FAM110B: variants seen among roughly 807,000 people sequenced by gnomAD.
The protein encoded by FAM110B is family with sequence similarity 110 member B, also known as protein FAM110B.
In FAM110B, 6 loss-of-function variants were observed where a neutral mutation model predicts 20.4. The ratio of observed to expected loss-of-function variants is 0.29; its 90% CI spans 0.16 to 0.58. FAM110B has a LOEUF of 0.58. Among genes scored for constraint, FAM110B ranks in the 20% least tolerant of loss-of-function variants. FAM110B has a pLI of 0.90. For missense variants in FAM110B, 434 were observed against 498.2 expected (o/e 0.87, Z 1.23); for synonymous variants, 226 against 214.1 (o/e 1.06, Z -0.49).
chr8:58,054,783 A>G (rs186672597), intron 2 of FAM110B, among the ~76,000 whole-genome samples: 216 of 152,166 alleles, frequency 1.4e-3, no homozygotes, highest in African/African-American at 4.5e-3. Flanking sequence ...AAAGACCTCT[A>G]CCTGTAGATC....
chr8:58,098,137 AC>A (rs1463178765), intron 3 of FAM110B, among the ~76,000 whole-genome samples: 3 of 152,216 alleles, frequency 2.0e-5, no homozygotes, highest in Non-Finnish European at 2.9e-5. Context: ...CTGAAGCTGC[AC>A]CCACAGCCAC....
intron 3 of FAM110B, among the ~76,000 whole-genome samples, chr8:58,120,833 C>T (rs7820808): frequency 0.28 from 43,098 of 151,992 alleles, 7,520 homozygotes; most frequent in African/African-American, 0.5. Context: ...GTGATAGTTA[C>T]TGAAAAGCCT....
At chr8:58,052,804 G>A (rs1585844819) in intron 2 of FAM110B, among the ~76,000 whole-genome samples, 1 of 58,846 alleles carries the variant, frequency 1.7e-5, no homozygotes, top group South Asian at 6.3e-4. Flanking sequence ...TTTTTTTTTT[G>A]AGACGGAGTC....
intron 1 of FAM110B, among the ~76,000 whole-genome samples, chr8:57,999,797 G>A (rs1162765578): frequency 6.6e-6 from 1 of 152,060 alleles, no homozygotes; most frequent in Admixed American, 6.5e-5. Context: ...GTCGAGAATG[G>A]GGGCCACTTT....
chr8:58,134,889 C>A (rs189789120), intron 3 of FAM110B, among the ~76,000 whole-genome samples: 173 of 152,198 alleles, frequency 1.1e-3, no homozygotes, highest in Non-Finnish European at 1.9e-3. Flanking sequence ...AAAATCAAGG[C>A]TTTTTTTCGT....
chr8:58,062,661 T>C (rs1013348643), intron 2 of FAM110B, among the ~76,000 whole-genome samples: 10 of 152,198 alleles, frequency 6.6e-5, no homozygotes, highest in Non-Finnish European at 1.0e-4. Context: ...TATTTTAAAC[T>C]CGATTCCCAC....
At chr8:58,018,649 T>G (rs1804683606) in intron 1 of FAM110B, among the ~76,000 whole-genome samples, 1 of 152,206 alleles carries the variant, frequency 6.6e-6, no homozygotes, top group Non-Finnish European at 1.5e-5. Context: ...GATTTTTAAG[T>G]CTATTACCCT....
intron 3 of FAM110B, among the ~76,000 whole-genome samples, chr8:58,077,513 G>A (rs953440696): frequency 1.3e-5 from 2 of 152,298 alleles, no homozygotes; most frequent in African/African-American, 2.4e-5. Flanking sequence ...AGTAGACCTG[G>A]CCTTCACCTC....
intron 2 of FAM110B, among the ~76,000 whole-genome samples, chr8:58,071,747 T>C (rs918053984): frequency 7.2e-6 from 1 of 138,520 alleles, no homozygotes; most frequent in African/African-American, 2.7e-5. Context: ...TAATAGAGTA[T>C]CGTCTATAAT....
chr8:58,002,630 T>C (rs761549009), intron 1 of FAM110B, among the ~76,000 whole-genome samples: 5 of 152,168 alleles, frequency 3.3e-5, no homozygotes, highest in Non-Finnish European at 2.9e-5. Context: ...ATAAAGTGAG[T>C]ATTACAATAA....
At chr8:58,056,008 G>A (rs113103690) in intron 2 of FAM110B, among the ~76,000 whole-genome samples, 1 of 152,108 alleles carries the variant, frequency 6.6e-6, no homozygotes, top group Non-Finnish European at 1.5e-5. Flanking sequence ...CTAGATCAGG[G>A]GTTGGCAAAC....
chr8:58,080,435 A>T (rs1806161453), intron 3 of FAM110B, among the ~76,000 whole-genome samples: 1 of 152,228 alleles, frequency 6.6e-6, no homozygotes, highest in Non-Finnish European at 1.5e-5. Context: ...GAAAGAGAGG[A>T]GATTTAAACA....
intron 3 of FAM110B, among the ~76,000 whole-genome samples, chr8:58,123,476 G>A (rs1248911929): frequency 1.3e-5 from 2 of 151,972 alleles, no homozygotes; most frequent in African/African-American, 2.4e-5. Context: ...ACAGGGAGTT[G>A]GGAATAAAAA....
At chr8:58,139,948 T>A (rs1008957305) in intron 3 of FAM110B, among the ~76,000 whole-genome samples, 1 of 151,900 alleles carries the variant, frequency 6.6e-6, no homozygotes, top group Non-Finnish European at 1.5e-5. Context: ...ATAATAATAA[T>A]AAATGTCTAA....
intron 3 of FAM110B, among the ~76,000 whole-genome samples, chr8:58,101,432 G>A (rs1004872303): frequency 3.9e-5 from 6 of 152,162 alleles, no homozygotes; most frequent in Non-Finnish European, 4.4e-5. Context: ...TTCATTTAAA[G>A]AATAAATTAA....
At chr8:58,062,698 C>A (rs896849946) in intron 2 of FAM110B, among the ~76,000 whole-genome samples, 19 of 152,186 alleles carry the variant, frequency 1.2e-4, no homozygotes, top group African/African-American at 4.6e-4. Flanking sequence ...CATAAAATTT[C>A]AGAAACTTGC....
Position 58,146,418 on chromosome 8 carries a change from A to C in FAM110B, c.188A>C (p.Lys63Thr). The C allele has an allele frequency of 6.2e-7, 1 of 1,614,008 alleles. No individual in the cohort carries two copies. The highest frequency in any genetic ancestry group is 8.5e-7 in the Non-Finnish European group (1 of 1,179,946). The change falls in exon 4 of 4, where the codon AAG (lysine) becomes ACG (threonine). Residue 63 changes from lysine to threonine, a missense_variant. By Grantham distance (78) the Lys-to-Thr change is moderately conservative (BLOSUM62 -1). Coordinates refer to ENST00000519262, the MANE Select transcript of FAM110B (RefSeq NM_001377989.1). ...GAGGCCGACAAGGCCAAGTACGTCA[A>C]GAGCCAGGAGGTGATCAACGCCAAG... ...RLEADKAKYV[K>T]SQEVINAKQE... is the part of the protein sequence containing the mutation.
At chr8:58,009,253 G>A (rs1044690097) in intron 1 of FAM110B, among the ~76,000 whole-genome samples, 9 of 152,198 alleles carry the variant, frequency 5.9e-5, no homozygotes, top group Non-Finnish European at 1.0e-4. Context: ...GGTGTTGAAG[G>A]AGTTTGCAGA....
intron 3 of FAM110B, among the ~76,000 whole-genome samples, chr8:58,086,602 G>A (rs986458899): frequency 1.2e-4 from 18 of 152,088 alleles, no homozygotes; most frequent in Admixed American, 1.3e-4. Context: ...TTAACGTTAC[G>A]CATAAATAGG....
Sources: gnomAD v4.1 joint callset for allele counts (sites outside exome capture counted in the v4.1 genomes callset) on GRCh38, gnomAD v4.1.1 for gene constraint, MANE v1.5 for transcripts, NCBI Gene and HGNC (gene_info 2026-07-23, HGNC 2026-07-21) for gene names.